CEP112: variants seen among roughly 807,000 people sequenced by gnomAD.
CEP112 encodes centrosomal protein of 112 kDa.
Under a neutral mutation model 153.0 loss-of-function variants are expected in CEP112, and 127 were observed. That is an observed-to-expected ratio of 0.83 (90% confidence interval 0.72 to 0.96). The LOEUF is 0.96. CEP112 is among the 40% of genes least tolerant of loss of function. The pLI is 0.00. For missense variants in CEP112, 1,089 were observed against 1,101.2 expected, an observed-to-expected ratio of 0.99 and a Z score of 0.16; for synonymous variants, 358 against 374.4, an observed-to-expected ratio of 0.96 and a Z score of 0.51.
At chr17:66,081,342 T>C (rs2067709036) in intron 8 of CEP112, among the ~76,000 whole-genome samples, 1 of 152,144 alleles carries the variant, frequency 6.6e-6, no homozygotes, top group African/African-American at 2.4e-5. Context: ...AGAATAGTGG[T>C]TACTTCTAGG....
At chr17:66,053,576 G>A (rs952867989) in intron 12 of CEP112, among the ~76,000 whole-genome samples, 160 bp downstream of exon 12, 11 of 152,214 alleles carry the variant, frequency 7.2e-5, no homozygotes, top group Admixed American at 5.9e-4. Context: ...TCAAGGGTCT[G>A]TCCATGGCCA....
intron 24 of CEP112, among the ~76,000 whole-genome samples, chr17:65,650,540 C>T (rs1379916949): frequency 6.6e-6 from 1 of 151,944 alleles, no homozygotes; most frequent in African/African-American, 2.4e-5. Context: ...GAGGCTGTGG[C>T]CTCACTCACC....
intron 23 of CEP112, among the ~76,000 whole-genome samples, chr17:65,720,134 C>T (rs554489364): frequency 5.3e-5 from 8 of 152,242 alleles, no homozygotes; most frequent in African/African-American, 1.4e-4. Context: ...CTGACATGAA[C>T]CGCATTTGGG....
intron 25 of CEP112, 91 bp downstream of exon 25, chr17:65,640,873 T>G: frequency 1.3e-6 from 1 of 769,264 alleles, no homozygotes; most frequent in Non-Finnish European, 2.3e-6. Context: ...CACATTGATT[T>G]CTGGCAACAA....
At chr17:65,888,204 T>C (rs1304018005) in intron 20 of CEP112, among the ~76,000 whole-genome samples, 1 of 152,178 alleles carries the variant, frequency 6.6e-6, no homozygotes, top group African/African-American at 2.4e-5. Flanking sequence ...GTACGTACAA[T>C]AGCTATTTTC....
At chr17:66,067,707 G>A (rs143812888) in intron 9 of CEP112, among the ~76,000 whole-genome samples, 65 of 152,076 alleles carry the variant, frequency 4.3e-4, no homozygotes, top group African/African-American at 1.5e-3. Flanking sequence ...AAAGAAATAC[G>A]TTATCTGAGA....
intron 12 of CEP112, among the ~76,000 whole-genome samples, chr17:66,042,245 G>A (rs534063136): frequency 6.6e-6 from 1 of 152,236 alleles, no homozygotes; most frequent in South Asian, 2.1e-4. Context: ...AGCTACTCAG[G>A]AGGCTGAAGC....
At chr17:66,136,476 C>T (rs1378302255) in intron 4 of CEP112, among the ~76,000 whole-genome samples, 5 of 151,782 alleles carry the variant, frequency 3.3e-5, no homozygotes, top group Non-Finnish European at 7.4e-5. Context: ...AGCTCCTACC[C>T]CTGGCTCAGC....
At chr17:66,175,759 T>C (rs2072442972) in intron 3 of CEP112, among the ~76,000 whole-genome samples, 1 of 152,230 alleles carries the variant, frequency 6.6e-6, no homozygotes, top group East Asian at 1.9e-4. Context: ...ATTATTATTA[T>C]TTGTTAAATA....
At chr17:65,751,221 G>A (rs1008018149) in intron 21 of CEP112, 1 of 152,606 alleles carries the variant, frequency 6.6e-6, no homozygotes, top group African/African-American at 2.4e-5. Context: ...AAATACATAA[G>A]AGCTAATTTT....
At chr17:65,757,302 C>T (rs1199441266) in intron 21 of CEP112, among the ~76,000 whole-genome samples, 1 of 152,156 alleles carries the variant, frequency 6.6e-6, no homozygotes, top group Admixed American at 6.5e-5. Context: ...GAAGTGCAGG[C>T]AAATGATCCC....
At chr17:65,908,570 C>T (rs183590901) in intron 19 of CEP112, among the ~76,000 whole-genome samples, 11 of 151,958 alleles carry the variant, frequency 7.2e-5, no homozygotes, top group East Asian at 1.9e-4. Context: ...GGTGTATGCA[C>T]GCAATCCCAG....
Position 65,832,898 on chromosome 17 carries a change from A to C in CEP112, c.2394+18906T>G, listed in dbSNP as rs1568086316. ...CACCAAAACCTGGAACAGACAAAAC[A>C]ACAAAAAAAGAAAACTTTAGGCCAA... On this transcript the variant is annotated intron_variant, in intron 21 of 26. Transcript: ENST00000535342. 2.6e-5 allele frequency among the ~76,000 whole-genome samples: 4 copies of C among 152,148 alleles called. No individual in the cohort carries two copies. The South Asian group carries it at 6.3e-4, about 24-fold the overall frequency.
intron 20 of CEP112, among the ~76,000 whole-genome samples, chr17:65,871,030 C>T (rs776088724): frequency 2.6e-5 from 4 of 152,198 alleles, no homozygotes; most frequent in Non-Finnish European, 5.9e-5. Context: ...GTTGCAACCA[C>T]CCACCCACAT....
Position 66,053,768 on chromosome 17 carries a change from C to G in CEP112, c.1186G>C (p.Glu396Gln). 6.2e-7 allele frequency: 1 copy of G among 1,613,482 alleles called. No homozygotes were observed. The highest frequency in any genetic ancestry group is 1.7e-5 in the Admixed American group (1 of 59,984). ...EDTNVRLNKMESEYMAQTQST... is the reference protein window; with the variant it reads ...EDTNVRLNKMQSEYMAQTQST... Reference sequence around the variant, plus strand: ...TGTGTTTGCGCCATGTATTCACTCTCCATTTTATTCAGACGCACATTTGTA... The same window carrying G: ...TGTGTTTGCGCCATGTATTCACTCTGCATTTTATTCAGACGCACATTTGTA... Residue 396 changes from glutamate (E) to glutamine (Q), a missense_variant, in exon 12 of 27, where the codon GAG becomes CAG. Transcript: ENST00000535342.
intron 12 of CEP112, among the ~76,000 whole-genome samples, chr17:66,034,974 ATG>A (rs1568411223): frequency 2.7e-5 from 1 of 36,618 alleles, no homozygotes; most frequent in Non-Finnish European, 5.3e-5. Flanking sequence ...AAGTTTTTGC[ATG>A]TATATATATA....
chr17:65,652,639 T>C (rs1300857291), intron 24 of CEP112, among the ~76,000 whole-genome samples: 36 of 152,168 alleles, frequency 2.4e-4, no homozygotes, highest in Admixed American at 1.8e-3. Flanking sequence ...GAGGACTCCA[T>C]TGAAATGTTT....
At chr17:66,112,080 C>A (rs927758643) in intron 6 of CEP112, among the ~76,000 whole-genome samples, 2 of 152,038 alleles carry the variant, frequency 1.3e-5, no homozygotes, top group African/African-American at 4.8e-5. Flanking sequence ...CACCTGAGGT[C>A]AGGAGCTTGA....
intron 24 of CEP112, among the ~76,000 whole-genome samples, chr17:65,666,804 T>A (rs1477087970): frequency 6.6e-6 from 1 of 152,180 alleles, no homozygotes; most frequent in Non-Finnish European, 1.5e-5. Context: ...TTTTGAGCAT[T>A]CATGAGGCAG....
Sources: gnomAD v4.1 joint callset for allele counts (sites outside exome capture counted in the v4.1 genomes callset) on GRCh38, gnomAD v4.1.1 for gene constraint, MANE v1.5 for transcripts, NCBI Gene and HGNC (gene_info 2026-07-23, HGNC 2026-07-21) for gene names.